The following IGSF21 variants were observed in gnomAD, a reference collection of about 807,000 sequenced individuals.
The protein encoded by IGSF21 is immunoglobulin superfamily member 21.
IGSF21 carries 28 observed loss-of-function variants against 46.8 expected under a neutral mutation model. The ratio of observed to expected loss-of-function variants is 0.60; its 90% CI spans 0.44 to 0.82. The LOEUF (loss-of-function observed/expected upper bound fraction) is 0.82, where lower values mean the gene tolerates loss of function less well. IGSF21 is among the 40% of genes least tolerant of loss of function. The probability of loss-of-function intolerance (pLI) is 0.00; values close to 1 mark genes in which losing one functional copy is unlikely to be tolerated. For missense variants in IGSF21, 624 were observed against 665.5 expected, an observed-to-expected ratio of 0.94 and a Z score of 0.69; for synonymous variants, 284 against 273.6, an observed-to-expected ratio of 1.04 and a Z score of -0.38.
chr1:18,269,991 C>A (rs867777011), intron 2 of IGSF21, among the ~76,000 whole-genome samples: 2 of 152,168 alleles, frequency 1.3e-5, no homozygotes, highest in African/African-American at 4.8e-5. Flanking sequence ...CTGGAGGTAA[C>A]CTTCTAAGGA....
chr1:18,196,940 C>T (rs180992274), intron 1 of IGSF21, among the ~76,000 whole-genome samples: 4 of 152,274 alleles, frequency 2.6e-5, no homozygotes, highest in East Asian at 3.9e-4. Context: ...TGAAGGAAGA[C>T]GGACGAGCTG....
chr1:18,269,428 C>G (rs538863512), intron 2 of IGSF21, among the ~76,000 whole-genome samples: 3 of 152,268 alleles, frequency 2.0e-5, no homozygotes, highest in African/African-American at 7.2e-5. Context: ...GGAGGAGGAT[C>G]AGCATCTTTG....
chr1:18,177,984 G>C (rs572332748), intron 1 of IGSF21, among the ~76,000 whole-genome samples: 43 of 152,136 alleles, frequency 2.8e-4, no homozygotes, highest in Non-Finnish European at 5.4e-4. Context: ...TTTTTTTCTA[G>C]CTCTCATTGG....
intron 2 of IGSF21, among the ~76,000 whole-genome samples, chr1:18,238,666 G>T (rs2084695889): frequency 6.6e-6 from 1 of 152,094 alleles, no homozygotes; most frequent in African/African-American, 2.4e-5. Flanking sequence ...AAATAACCAG[G>T]TGTTTTGTTA....
At chr1:18,227,404 G>A (rs1557596868) in intron 1 of IGSF21, among the ~76,000 whole-genome samples, 1 of 151,962 alleles carries the variant, frequency 6.6e-6, no homozygotes, top group Middle Eastern at 3.4e-3. Flanking sequence ...GTGGCTGAGC[G>A]ACCCATATTC....
chr1:18,323,231 G>T (rs925249839), intron 3 of IGSF21, among the ~76,000 whole-genome samples: 1 of 152,160 alleles, frequency 6.6e-6, no homozygotes, highest in Non-Finnish European at 1.5e-5. Context: ...CAGGTCTGGG[G>T]TGTCCCTCTA....
At chr1:18,276,814 G>T (rs905101896) in intron 2 of IGSF21, among the ~76,000 whole-genome samples, 3 of 152,170 alleles carry the variant, frequency 2.0e-5, no homozygotes, top group African/African-American at 7.2e-5. Context: ...CCCGCTGCCT[G>T]CCAGGGGCTC....
intron 1 of IGSF21, among the ~76,000 whole-genome samples, chr1:18,198,304 A>G (rs1243273866): frequency 6.6e-6 from 1 of 152,142 alleles, no homozygotes; most frequent in Non-Finnish European, 1.5e-5. Context: ...TGCCCAAGTC[A>G]TAAGTGGCAG....
intron 1 of IGSF21, among the ~76,000 whole-genome samples, chr1:18,217,594 C>T (rs1219772113): frequency 2.0e-5 from 3 of 152,216 alleles, no homozygotes; most frequent in Admixed American, 1.3e-4. Flanking sequence ...CCTGCTGCCA[C>T]CTTGTGGATG....
intron 1 of IGSF21, among the ~76,000 whole-genome samples, chr1:18,160,309 G>A (rs192769552): frequency 3.3e-5 from 5 of 152,276 alleles, no homozygotes; most frequent in Non-Finnish European, 5.9e-5. Flanking sequence ...TCCATAAAAC[G>A]GGCTAAACCT....
intron 4 of IGSF21, among the ~76,000 whole-genome samples, chr1:18,350,267 C>T (rs2085938465): frequency 6.6e-6 from 1 of 152,152 alleles, no homozygotes; most frequent in African/African-American, 2.4e-5. Context: ...CCTGCAGTAG[C>T]CTGTGGGTGG....
intron 3 of IGSF21, among the ~76,000 whole-genome samples, chr1:18,298,778 G>A (rs545783152): frequency 6.6e-6 from 1 of 152,348 alleles, no homozygotes; most frequent in South Asian, 2.1e-4. Context: ...TAGCTACGGT[G>A]CACAAAAGTG....
intron 1 of IGSF21, among the ~76,000 whole-genome samples, chr1:18,133,922 TG>T (rs1232649396): frequency 1.3e-5 from 2 of 152,192 alleles, no homozygotes; most frequent in African/African-American, 2.4e-5. Flanking sequence ...AAGCATAAAA[TG>T]AGAATAATAA....
intron 1 of IGSF21, among the ~76,000 whole-genome samples, chr1:18,223,688 G>A (rs1466730661): frequency 6.6e-6 from 1 of 152,222 alleles, no homozygotes; most frequent in Non-Finnish European, 1.5e-5. Flanking sequence ...AGGCAGATGT[G>A]CAAACAGACA....
At chr1:18,261,672 C>A (rs2124537038) in intron 2 of IGSF21, among the ~76,000 whole-genome samples, 1 of 152,322 alleles carries the variant, frequency 6.6e-6, no homozygotes, top group Non-Finnish European at 1.5e-5. Context: ...GCCCTCTGGG[C>A]CAGAACAGAA....
At chr1:18,280,861 G>T (rs1439852509) in intron 2 of IGSF21, among the ~76,000 whole-genome samples, 3 of 152,242 alleles carry the variant, frequency 2.0e-5, no homozygotes, top group African/African-American at 7.2e-5. Context: ...TGCCCCGAAG[G>T]CTCTGCTTCA....
At chr1:18,228,739 G>A (rs923172238) in intron 2 of IGSF21, among the ~76,000 whole-genome samples, 1 of 152,082 alleles carries the variant, frequency 6.6e-6, no homozygotes, top group African/African-American at 2.4e-5. Context: ...ACAGATAAAG[G>A]CACCACCATC....
At chr1:18,117,952 G>A (rs2086201625) in intron 1 of IGSF21, among the ~76,000 whole-genome samples, 1 of 152,172 alleles carries the variant, frequency 6.6e-6, no homozygotes, top group African/African-American at 2.4e-5. Context: ...CAATGTCAGG[G>A]ACCTGTCCCA....
At position 18,137,061 on chromosome 1, in the gene IGSF21, C is replaced by T. The variant is rs141213134; in HGVS notation, c.70+28863C>T. On this transcript the variant is annotated intron_variant, in intron 1 of 9. Coordinates refer to ENST00000251296, the MANE Select transcript of IGSF21 (RefSeq NM_032880.5). ...TATAAGAAAAGAGGTTTAATTGGCT[C>T]GTGGTTCTGCGGGCTGTACAGGAAG... Among the ~76,000 whole-genome samples, 1,161 of 152,112 alleles carry T rather than the reference C, an allele frequency of 7.6e-3. 11 individuals carry two copies. The highest frequency in any genetic ancestry group is 0.026 in the African/African-American group (1,089 of 41,458).
Sources: allele counts gnomAD v4.1 joint callset (sites outside exome capture counted in the v4.1 genomes callset), GRCh38; gene constraint gnomAD v4.1.1; transcripts MANE v1.5; gene names NCBI Gene and HGNC (gene_info 2026-07-23, HGNC 2026-07-21).